The following PARP8 variants were observed in gnomAD, a reference collection of about 807,000 sequenced individuals.
The protein encoded by PARP8 is poly(ADP-ribose) polymerase family member 8.
A neutral mutation model predicts 124.1 loss-of-function variants in PARP8; 51 were observed. The observed-to-expected ratio is 0.41, with a 90% CI of 0.33 to 0.52. The LOEUF is 0.52. PARP8 is among the 20% of genes least tolerant of loss of function. The pLI is 0.21. For synonymous variants in PARP8, 391 were observed against 361.5 expected, an observed-to-expected ratio of 1.08 and a Z score of -0.93; for missense variants, 860 against 1,018.9, an observed-to-expected ratio of 0.84 and a Z score of 2.12.
At chr5:50,740,685 G>T (rs973148661) in intron 2 of PARP8, among the ~76,000 whole-genome samples, 18 of 151,802 alleles carry the variant, frequency 1.2e-4, no homozygotes, top group African/African-American at 3.9e-4. Flanking sequence ...TGGTGACTTG[G>T]GTCTGTAGTT....
intron 2 of PARP8, among the ~76,000 whole-genome samples, chr5:50,707,627 CAGAGAGAGAGAGAG>C (rs34400961): frequency 6.9e-5 from 10 of 145,212 alleles, no homozygotes; most frequent in African/African-American, 1.0e-4. Flanking sequence ...ATAGGGGAGA[CAGAGAGAGAGAGAG>C]AGAGAGAGAG....
At chr5:50,724,741 T>G (rs1399021002) in intron 2 of PARP8, among the ~76,000 whole-genome samples, 8 of 151,876 alleles carry the variant, frequency 5.3e-5, no homozygotes, top group Non-Finnish European at 1.2e-4. Context: ...TACAAGTGGT[T>G]TTTTTTTGCA....
At chr5:50,836,914 C>T (rs1250314890) in intron 25 of PARP8, among the ~76,000 whole-genome samples, 1 of 152,136 alleles carries the variant, frequency 6.6e-6, no homozygotes, top group African/African-American at 2.4e-5. Flanking sequence ...GTCATCTAAT[C>T]AGTTCATCTA....
chr5:50,674,228 T>C (rs1315243630), intron 2 of PARP8, among the ~76,000 whole-genome samples: 3 of 152,204 alleles, frequency 2.0e-5, no homozygotes, highest in African/African-American at 7.2e-5. Flanking sequence ...ATTAAAACAA[T>C]CCCTTCTTAG....
chr5:50,827,660 C>T (rs1746498387), intron 19 of PARP8, among the ~76,000 whole-genome samples: 1 of 152,122 alleles, frequency 6.6e-6, no homozygotes, highest in Admixed American at 6.6e-5. Flanking sequence ...AACATGATTG[C>T]ATACTGTATT....
chr5:50,787,171 G>A (rs1224115897), intron 9 of PARP8, among the ~76,000 whole-genome samples: 17 of 152,024 alleles, frequency 1.1e-4, no homozygotes, highest in Admixed American at 1.1e-3. Flanking sequence ...CTAGAAGTGT[G>A]AATCCAAAAT....
chr5:50,728,177 T>C (rs960037549), intron 2 of PARP8, among the ~76,000 whole-genome samples: 2 of 152,196 alleles, frequency 1.3e-5, no homozygotes, highest in South Asian at 2.1e-4. Flanking sequence ...GGCTTAAGTA[T>C]TTCCTATCAA....
intron 2 of PARP8, among the ~76,000 whole-genome samples, chr5:50,729,987 A>G (rs1756817633): frequency 6.6e-6 from 1 of 152,232 alleles, no homozygotes; most frequent in South Asian, 2.1e-4. Context: ...GCATTGTCAA[A>G]TAAACATTTT....
intron 3 of PARP8, among the ~76,000 whole-genome samples, chr5:50,756,793 AC>A (rs752733066): frequency 3.3e-4 from 50 of 152,284 alleles, no homozygotes; most frequent in South Asian, 8.3e-4. Context: ...TATAGCTTTA[AC>A]TGAAAGTTTG....
chr5:50,748,863 C>A (rs1362675783), intron 2 of PARP8, among the ~76,000 whole-genome samples: 1 of 152,176 alleles, frequency 6.6e-6, no homozygotes, highest in Admixed American at 6.5e-5. Context: ...TTCAACACAT[C>A]TTTGTCTTTC....
intron 25 of PARP8, among the ~76,000 whole-genome samples, chr5:50,840,669 G>A (rs1007361331): frequency 6.6e-6 from 1 of 151,762 alleles, no homozygotes; most frequent in African/African-American, 2.4e-5. Flanking sequence ...CATATCATGA[G>A]AGAGAGAAAA....
chr5:50,830,277 A>G lies in PARP8; in HGVS notation c.2233+316A>G, dbSNP rs78050585. Among the ~76,000 whole-genome samples, 1,455 of 152,318 alleles carry G rather than the reference A, an allele frequency of 9.6e-3. 22 individuals are homozygous for G. The highest frequency in any genetic ancestry group is 0.012 in the Non-Finnish European group (787 of 68,012). On this transcript the variant is annotated intron_variant, in intron 22 of 25. Coordinates refer to ENST00000281631, the MANE Select transcript of PARP8 (RefSeq NM_024615.4). ...GTAGGGCACTGAGAAGTACACATAC[A>G]TAATATCTTTAAGTGTAATTCTATA...
At chr5:50,810,821 A>G (rs1172734954) in intron 14 of PARP8, among the ~76,000 whole-genome samples, 1 of 152,102 alleles carries the variant, frequency 6.6e-6, no homozygotes, top group Non-Finnish European at 1.5e-5. Flanking sequence ...AATGAGCAAG[A>G]GATACAGAAT....
intron 2 of PARP8, among the ~76,000 whole-genome samples, chr5:50,728,361 T>C (rs374831910): frequency 1.3e-5 from 2 of 152,306 alleles, no homozygotes; most frequent in East Asian, 3.9e-4. Flanking sequence ...AATGATTCTG[T>C]TGATCTTAAC....
At chr5:50,839,652 GTCTC>G (rs1270171469) in intron 25 of PARP8, among the ~76,000 whole-genome samples, 1 of 120,074 alleles carries the variant, frequency 8.3e-6, no homozygotes, top group Non-Finnish European at 1.7e-5. Flanking sequence ...TAAGCATACT[GTCTC>G]TCTCTTTCTT....
At chr5:50,731,823 G>A (rs1317280859) in intron 2 of PARP8, among the ~76,000 whole-genome samples, 1 of 152,108 alleles carries the variant, frequency 6.6e-6, no homozygotes, top group South Asian at 2.1e-4. Context: ...ATTCAAGCCA[G>A]GTTATTTTGT....
chr5:50,666,741 G>A lies in PARP8; in HGVS notation c.-355G>A. On this transcript the variant is annotated 5_prime_UTR_variant, in exon 1 of 26. Transcript: ENST00000281631. Reference sequence around the variant, plus strand: ...CCCAGCCGGTGATTGCTCTCTGGCTGTCCCCGGCACCTCGGCCCCCACGGC... The same window carrying A: ...CCCAGCCGGTGATTGCTCTCTGGCTATCCCCGGCACCTCGGCCCCCACGGC... 2.0e-6 allele frequency: 1 copy of A among 504,026 alleles called. No homozygotes were observed. Among genetic ancestry groups the A allele is most frequent in the Non-Finnish European group, 2.7e-6 (1 of 364,282 alleles). 31.2% of individuals were successfully genotyped at this position (504,026 alleles called of 1,614,324 possible).
rs1048649824 is a variant in PARP8, at chr5:50,723,826, A to C, written c.147-26325A>C. Among the ~76,000 whole-genome samples, 11 of 152,270 alleles carry C rather than the reference A, an allele frequency of 7.2e-5. No individual in the cohort carries two copies. The South Asian group carries it at 1.7e-3, about 23-fold the overall frequency. ...TAGGAGGAAGGTGAGAATTATTAAA[A>C]AGTTTTCTACTTGGTCAAAGTTTTA... On this transcript the variant is annotated intron_variant, in intron 2 of 25. Transcript: ENST00000281631.
intron 14 of PARP8, among the ~76,000 whole-genome samples, chr5:50,812,954 T>G (rs907092060): frequency 2.6e-5 from 4 of 152,192 alleles, no homozygotes; most frequent in African/African-American, 9.6e-5. Context: ...TTGGTCTATA[T>G]CTCTGTTTTG....
Sources: gnomAD v4.1 joint callset for allele counts (sites outside exome capture counted in the v4.1 genomes callset) on GRCh38, gnomAD v4.1.1 for gene constraint, MANE v1.5 for transcripts, NCBI Gene and HGNC (gene_info 2026-07-23, HGNC 2026-07-21) for gene names.